Variants in ADCY6 observed in about 807,000 individuals in gnomAD.
The protein encoded by ADCY6 is adenylate cyclase type 6.
ADCY6 carries 59 observed loss-of-function variants against 111.6 expected under a neutral mutation model. The ratio of observed to expected loss-of-function variants is 0.53; its 90% CI spans 0.43 to 0.66. The LOEUF is 0.66. Ranked by LOEUF, ADCY6 falls within the 30% of genes least tolerant of loss-of-function variation. ADCY6 has a pLI of 0.00. For synonymous variants in ADCY6, 576 were observed against 642.9 expected (o/e 0.90, Z 1.57); for missense variants, 1,242 against 1,595.6 (o/e 0.78, Z 3.78).
chr12:48,780,617 C>T (rs140224409), intron 2 of ADCY6, among the ~76,000 whole-genome samples: 1,537 of 152,252 alleles, frequency 0.01, 9 homozygotes, highest in Non-Finnish European at 0.017. Context: ...ACTGCACCTC[C>T]CCAGTCAGGC....
In ADCY6 at chr12:48,775,349, A is replaced by C. The variant is rs759310202; in HGVS notation, c.1934T>G (p.Val645Gly). Residue 645 changes from valine to glycine, a missense_variant, in exon 11 of 22, where the codon GTG becomes GGG. By Grantham distance (109) the Val-to-Gly change is moderately radical. Transcript: ENST00000357869. ...RSIDQLRKDH[V>G]RRFLLTFQRE... ...CTGGAAGGTGAGCAGAAACCGGCGCACATGGTCCTTCCGCAGCTGATCAAT... is the reference window on the plus strand; with the variant it reads ...CTGGAAGGTGAGCAGAAACCGGCGCCCATGGTCCTTCCGCAGCTGATCAAT... 1.9e-6 allele frequency: 3 copies of C among 1,614,082 alleles called. No individual in the cohort carries two copies. In the Admixed American group the frequency reaches 5.0e-5, roughly 27 times the overall value.
At chr12:48,778,717 A>G (rs889729271) in intron 2 of ADCY6, among the ~76,000 whole-genome samples, 16 of 152,140 alleles carry the variant, frequency 1.1e-4, no homozygotes, top group African/African-American at 3.1e-4. Context: ...CTATAACCCA[A>G]AGAGGAAGAA....
Position 48,785,446 on chromosome 12 carries a change from C to A in ADCY6, c.-4-2008G>T, listed in dbSNP as rs537175638. ...ACCAGCCGGACCAACATGGTGAAACCCCATTTCTACTAAAAACACAAAATT... is the reference window on the plus strand; with the variant it reads ...ACCAGCCGGACCAACATGGTGAAACACCATTTCTACTAAAAACACAAAATT... On this transcript the variant is annotated intron_variant, in intron 1 of 21. Transcript: ENST00000357869. 3.3e-5 allele frequency among the ~76,000 whole-genome samples: 5 copies of A among 152,124 alleles called. No individual in the cohort carries two copies. The South Asian group carries it at 1.0e-3, about 32-fold the overall frequency.
chr12:48,768,162 C>T lies in ADCY6; in HGVS notation c.*429G>A, dbSNP rs1592151926. ...GGCACTCCTCATGCCTGTCTTTGTACAAAATATTGTACAAAATATTCCCAG... is the reference window on the plus strand; with the variant it reads ...GGCACTCCTCATGCCTGTCTTTGTATAAAATATTGTACAAAATATTCCCAG... On this transcript the variant is annotated 3_prime_UTR_variant, in exon 22 of 22. Transcript: ENST00000357869. 3.9e-6 allele frequency: 1 copy of T among 257,850 alleles called. No homozygotes were observed. The highest frequency in any genetic ancestry group is 1.1e-4 in the East Asian group (1 of 9,350). 16.0% of individuals were successfully genotyped at this position (257,850 alleles called of 1,614,324 possible).
chr12:48,778,872 A>ATT (rs1037254707), intron 2 of ADCY6, among the ~76,000 whole-genome samples: 1,017 of 72,412 alleles, frequency 0.014, 206 homozygotes, highest in African/African-American at 0.022. Context: ...TGAATAACAC[A>ATT]TTTTTTTTTT....
In ADCY6 at chr12:48,783,186, C is replaced by G. The variant is rs1941898705; in HGVS notation, c.249G>C (p.Gly83=). Residue 83 remains glycine, a synonymous_variant, in exon 2 of 22, where the codon GGG becomes GGC. Coordinates refer to ENST00000357869, the MANE Select transcript of ADCY6 (RefSeq NM_015270.5). The part of the protein sequence containing the change: ...RGGPGKGKEL[G]LRAVALGFED... ...CGAAGCCCAGGGCCACTGCCCGCAG[C>G]CCCAGCTCCTTGCCCTTGCCTGGGC... 6.2e-7 allele frequency: 1 copy of G among 1,607,034 alleles called. No individual in the cohort carries two copies. The highest frequency in any genetic ancestry group is 2.2e-5 in the East Asian group (1 of 44,870).
At chr12:48,786,217 T>C (rs565802227) in intron 1 of ADCY6, among the ~76,000 whole-genome samples, 47 of 152,272 alleles carry the variant, frequency 3.1e-4, no homozygotes, top group African/African-American at 1.1e-3. Context: ...TGGGCAGCGC[T>C]TGAAGCAGAC....
intron 1 of ADCY6, among the ~76,000 whole-genome samples, chr12:48,784,446 A>G (rs999920741): frequency 4.6e-5 from 7 of 152,132 alleles, no homozygotes; most frequent in Admixed American, 3.3e-4. Flanking sequence ...CAAAGCCAGT[A>G]TACTTGAAAA....
At position 48,771,322 on chromosome 12, in the gene ADCY6, C is replaced by G. The variant is rs1941534875; in HGVS notation, c.3052-352G>C. The G allele has an allele frequency of 2.1e-6, 1 of 480,684 alleles. No homozygotes were observed. The highest frequency in any genetic ancestry group is 3.8e-6 in the Non-Finnish European group (1 of 262,246). The allele number at this position is 480,684 out of a possible 1,614,324, so 29.8% of individuals were successfully genotyped here. A position where few individuals can be genotyped will look rare whatever the true frequency, so the allele number is the denominator to read the frequency against. On this transcript the variant is annotated intron_variant, in intron 19 of 21. Coordinates refer to ENST00000357869, the MANE Select transcript of ADCY6 (RefSeq NM_015270.5). The surrounding 1 kb of genome is among the most constrained non-coding windows in gnomAD (Gnocchi z 4.3). ...GAACAGTGAACAGCCCATTCCTGATCTGGATGTTCAGGACACTACCTCACA... is the reference window on the plus strand; with the variant it reads ...GAACAGTGAACAGCCCATTCCTGATGTGGATGTTCAGGACACTACCTCACA...
In ADCY6 at chr12:48,782,483, C is replaced by T; in HGVS notation, c.864+88G>A. ...CACCCAGCTTCCACCCATGACTCAC[C>T]CGCCCTTCCTCACTAAGCCCCCACC... On this transcript the variant is annotated intron_variant, in intron 2 of 21. Transcript: ENST00000357869. This position sits in a 1 kb window ranked among gnomAD's most constrained non-coding sequence, Gnocchi z 4.3. The T allele has an allele frequency of 6.7e-7, 1 of 1,493,462 alleles. No individual in the cohort carries two copies. The highest frequency in any genetic ancestry group is 1.4e-5 in the South Asian group (1 of 72,788). The allele number at this position is 1,493,462 out of a possible 1,614,324, so 92.5% of individuals were successfully genotyped here. A position where few individuals can be genotyped will look rare whatever the true frequency, so the allele number is the denominator to read the frequency against.
At position 48,777,035 on chromosome 12, in the gene ADCY6, TC is replaced by T. The variant is rs1278256310; in HGVS notation, c.1376+68del. 1.6e-5 allele frequency: 25 copies of T among 1,517,464 alleles called. No homozygotes were observed. In the African/African-American group the frequency reaches 2.8e-4, roughly 17 times the overall value. 94.0% of individuals were successfully genotyped at this position (1,517,464 alleles called of 1,614,324 possible). On this transcript the variant is annotated intron_variant, in intron 6 of 21. Transcript: ENST00000357869. This position sits in a 1 kb window ranked among gnomAD's most constrained non-coding sequence, Gnocchi z 4.9. ...AAAACTGAGGAAATCTCCTGAGGTC[TC>T]ATCAAAAAGTAGGAGCAGTCTGGGG...
In ADCY6 at chr12:48,782,572, T is replaced by G; in HGVS notation, c.863A>C (p.Gln288Pro). ...ATCCCTACCTCCCTGGCCACCTACC[T>G]GCTTCCAGAGGAAGGCATCACCACG... is the stretch of plus-strand genomic sequence containing the variant. Reference protein sequence around the residue: ...LNRGDAFLWKQLGANVLLFLC... With the variant: ...LNRGDAFLWKPLGANVLLFLC... Residue 288 changes from glutamine (Q) to proline (P), a missense_variant and splice_region_variant, in exon 2 of 22, where the codon CAG (glutamine) becomes CCG (proline). Physicochemically the swap from Gln to Pro is moderately conservative, Grantham distance 76. This residue lies in a region of ADCY6 where 260 missense variants were observed against 414.6 expected (regional missense o/e 0.63). Coordinates refer to ENST00000357869, the MANE Select transcript of ADCY6 (RefSeq NM_015270.5). This position sits in a 1 kb window ranked among gnomAD's most constrained non-coding sequence, Gnocchi z 4.3. 6.2e-7 allele frequency: 1 copy of G among 1,608,502 alleles called. No individual in the cohort carries two copies.
At chr12:48,768,895 C>G (rs781354839) in intron 21 of ADCY6, 42 bp downstream of exon 21, 1 of 1,581,212 alleles carries the variant, frequency 6.3e-7, no homozygotes, top group Non-Finnish European at 8.6e-7. Flanking sequence ...GGAAGCCCTC[C>G]GGGCCCATGT....
intron 1 of ADCY6, among the ~76,000 whole-genome samples, chr12:48,787,779 A>C (rs1592168055): frequency 6.6e-6 from 1 of 152,078 alleles, no homozygotes; most frequent in Non-Finnish European, 1.5e-5. Flanking sequence ...ACCGGCTCCC[A>C]CAGCCACAGC....
In ADCY6 at chr12:48,777,205, G is replaced by T. The variant is rs148459653; in HGVS notation, c.1275C>A (p.Ile425=). The T allele has an allele frequency of 1.1e-4, 176 of 1,613,836 alleles. 1 individual carries two copies. The African/African-American group carries it at 2.1e-3, about 20-fold the overall frequency. The change falls in exon 6 of 22, where the codon ATC becomes ATA. Residue 425 remains isoleucine (I), a synonymous_variant. Coordinates refer to ENST00000357869, the MANE Select transcript of ADCY6 (RefSeq NM_015270.5). The surrounding 1 kb of genome is among the most constrained non-coding windows in gnomAD (Gnocchi z 4.9). ...ACACACAGTAGTAACAGTCCCCCAA[G>T]ATCTTGATCCTCAGGCAGTGATTCT... ...AAENHCLRIK[I]LGDCYYCVSG...
rs570322900 is a variant in ADCY6 at position 48,777,339 on chromosome 12, C to G, written c.1248+71G>C. On this transcript the variant is annotated intron_variant, in intron 5 of 21. Coordinates refer to ENST00000357869, the MANE Select transcript of ADCY6 (RefSeq NM_015270.5). The surrounding 1 kb of genome is among the most constrained non-coding windows in gnomAD (Gnocchi z 4.9). ...ACTCTATCTGCCCTCAAATCCCCAG[C>G]TGCTGCCAGCAAAGCTATGCTCTCA... is the stretch of plus-strand genomic sequence containing the variant. 1 of 1,601,920 alleles carries G rather than the reference C, an allele frequency of 6.2e-7. No homozygotes were observed. Among genetic ancestry groups the G allele is most frequent in the African/African-American group, 1.3e-5 (1 of 74,886 alleles).
chr12:48,769,041 C>G lies in ADCY6; in HGVS notation c.3277G>C (p.Val1093Leu). 6.2e-7 allele frequency: 1 copy of G among 1,612,872 alleles called. No homozygotes were observed. The highest frequency in any genetic ancestry group is 8.5e-7 in the Non-Finnish European group (1 of 1,179,432). The change falls in exon 21 of 22, where the codon GTG (valine) becomes CTG (leucine). Residue 1093 changes from valine (V) to leucine (L), a missense_variant. By Grantham distance (32) the Val-to-Leu change is conservative. Around this residue, in one of 4 missense-constraint regions of ADCY6, gnomAD observed 245 missense variants for 371.3 expected, o/e 0.66. Coordinates refer to ENST00000357869, the MANE Select transcript of ADCY6 (RefSeq NM_015270.5). Reference protein sequence around the residue: ...MKIGLNMGPVVAGVIGARKPQ... With the variant: ...MKIGLNMGPVLAGVIGARKPQ... ...TTCCGAGCCCCGATGACACCTGCCA[C>G]GACTGGGCCCATGTTCAGCCCTGAG...
intron 20 of ADCY6, among the ~76,000 whole-genome samples, chr12:48,770,375 C>T (rs1407479408): frequency 1.3e-5 from 2 of 152,122 alleles, no homozygotes; most frequent in African/African-American, 4.8e-5. Context: ...TAACCACTCC[C>T]ATCCACCAGT....
rs747129229 is a variant in ADCY6, at chr12:48,772,503, C to T, written c.2657+5G>A. The T allele has an allele frequency of 1.9e-6, 3 of 1,614,212 alleles. No homozygotes were observed. The highest frequency in any genetic ancestry group is 2.2e-5 in the East Asian group (1 of 44,890). On this transcript the variant is annotated splice_donor_5th_base_variant and intron_variant, in intron 17 of 21. Coordinates refer to ENST00000357869, the MANE Select transcript of ADCY6 (RefSeq NM_015270.5). ...ACCCTTTGCTGCCTCGGAGCCCTCA[C>T]TTACCAGTCCAGCCCATCAAAGGTC...
Sources: gnomAD v4.1 joint callset for allele counts (sites outside exome capture counted in the v4.1 genomes callset) on GRCh38, gnomAD v4.1.1 for gene constraint, gnomAD v4.1.1 regional missense constraint, Gnocchi (gnomAD v3.1) non-coding constraint, MANE v1.5 for transcripts, NCBI Gene and HGNC (gene_info 2026-07-23, HGNC 2026-07-21) for gene names.